SLC24A3: variants seen among roughly 807,000 people sequenced by gnomAD.
SLC24A3 encodes the protein solute carrier family 24 member 3.
In SLC24A3, 28 loss-of-function variants were observed where a neutral mutation model predicts 75.8. That is an observed-to-expected ratio of 0.37 (90% CI 0.27 to 0.51). The LOEUF is 0.51. SLC24A3 is among the 20% of genes least tolerant of loss of function. The pLI is 0.94. For missense variants in SLC24A3, 663 were observed against 847.8 expected, an observed-to-expected ratio of 0.78 and a Z score of 2.71; for synonymous variants, 372 against 334.1, an observed-to-expected ratio of 1.11 and a Z score of -1.24.
intron 2 of SLC24A3, among the ~76,000 whole-genome samples, chr20:19,513,848 C>T (rs1568640279): frequency 6.6e-6 from 1 of 151,902 alleles, no homozygotes; most frequent in African/African-American, 2.4e-5. Flanking sequence ...ATGTTAACCA[C>T]ATTTCAGTTC....
At chr20:19,565,377 G>A (rs774488276) in intron 3 of SLC24A3, among the ~76,000 whole-genome samples, 25 of 149,604 alleles carry the variant, frequency 1.7e-4, no homozygotes, top group Non-Finnish European at 3.6e-4. Flanking sequence ...CACTGAGAGT[G>A]AGAACGACCT....
chr20:19,255,715 T>C (rs1313143502), intron 1 of SLC24A3, among the ~76,000 whole-genome samples: 2 of 152,220 alleles, frequency 1.3e-5, no homozygotes, highest in African/African-American at 2.4e-5. Context: ...ACTTGCAATG[T>C]CGCTTGCTAG....
At chr20:19,635,078 GATCTATCTCTTTCTGTGAAGA>G (rs1208562587) in intron 6 of SLC24A3, among the ~76,000 whole-genome samples, 1 of 152,112 alleles carries the variant, frequency 6.6e-6, no homozygotes, top group Non-Finnish European at 1.5e-5. Flanking sequence ...TTGAGTAGAG[GATCTATCTCTTTCTGTGAAGA>G]ATCTCACTGC....
intron 6 of SLC24A3, among the ~76,000 whole-genome samples, chr20:19,615,656 G>A (rs368384740): frequency 4.9e-4 from 75 of 152,318 alleles, no homozygotes; most frequent in African/African-American, 1.7e-3. Flanking sequence ...GTTCCAATCA[G>A]CTACCAGCAC....
chr20:19,435,353 T>A (rs573203023), intron 2 of SLC24A3, among the ~76,000 whole-genome samples: 2 of 152,258 alleles, frequency 1.3e-5, no homozygotes, highest in Non-Finnish European at 2.9e-5. Flanking sequence ...CTTCAGTATA[T>A]GTTTTACATT....
intron 9 of SLC24A3, among the ~76,000 whole-genome samples, chr20:19,678,331 G>C (rs1207987568): frequency 1.2e-4 from 15 of 123,738 alleles, no homozygotes; most frequent in South Asian, 2.3e-4. Context: ...CTGGCCGGGC[G>C]GGGGGCTGAC....
rs116752682 is a variant in SLC24A3, at chr20:19,413,009, G to A, written c.272-102479G>A. On this transcript the variant is annotated intron_variant, in intron 2 of 16. Coordinates refer to ENST00000328041, the MANE Select transcript of SLC24A3 (RefSeq NM_020689.4). Reference sequence around the variant, plus strand: ...CAACTGGTGGTTGCTATCATAATGCGTCATCTTGGCATGAATGCTCTAATT... The same window carrying A: ...CAACTGGTGGTTGCTATCATAATGCATCATCTTGGCATGAATGCTCTAATT... 5.3e-3 allele frequency among the ~76,000 whole-genome samples: 802 copies of A among 152,262 alleles called. 10 individuals carry two copies. The highest frequency in any genetic ancestry group is 0.018 in the African/African-American group (742 of 41,548).
intron 2 of SLC24A3, among the ~76,000 whole-genome samples, chr20:19,382,813 G>T (rs1327317252): frequency 1.3e-5 from 2 of 152,144 alleles, no homozygotes; most frequent in Non-Finnish European, 2.9e-5. Context: ...GAGGTTGTTT[G>T]GTTGTAGCCA....
intron 3 of SLC24A3, among the ~76,000 whole-genome samples, chr20:19,570,858 G>C (rs578084072): frequency 6.6e-6 from 1 of 152,256 alleles, no homozygotes; most frequent in African/African-American, 2.4e-5. Flanking sequence ...TAATTTGTTT[G>C]CATCCTTAGC....
At chr20:19,647,461 C>T (rs2032152633) in intron 6 of SLC24A3, among the ~76,000 whole-genome samples, 1 of 152,306 alleles carries the variant, frequency 6.6e-6, no homozygotes, top group African/African-American at 2.4e-5. Flanking sequence ...GCTGGCACAT[C>T]AATGCCTGGC....
intron 13 of SLC24A3, 162 bp from the exon 14 acceptor site, chr20:19,696,635 C>G (rs1300397700): frequency 1.9e-6 from 1 of 515,146 alleles, no homozygotes; most frequent in South Asian, 3.4e-5. Context: ...CGGTCGGCAT[C>G]CACATAGTGT....
intron 2 of SLC24A3, among the ~76,000 whole-genome samples, chr20:19,463,792 G>A (rs1987719581): frequency 6.6e-6 from 1 of 152,220 alleles, no homozygotes; most frequent in Admixed American, 6.5e-5. Flanking sequence ...GGGACAGGAT[G>A]TAAAGGGCTC....
intron 12 of SLC24A3, 122 bp downstream of exon 12, chr20:19,685,483 A>T: frequency 7.0e-7 from 1 of 1,437,514 alleles, no homozygotes; most frequent in Non-Finnish European, 9.4e-7. Context: ...ACATGAGACT[A>T]TGTATATCAA....
At position 19,615,670 on chromosome 20, in the gene SLC24A3, A is replaced by G. The variant is rs577068230; in HGVS notation, c.612+30126A>G. Among the ~76,000 whole-genome samples the G allele has an allele frequency of 3.2e-4, 48 of 152,350 alleles. No individual in the cohort carries two copies. The South Asian group carries it at 9.3e-3, about 30-fold the overall frequency. On this transcript the variant is annotated intron_variant, in intron 6 of 16. Coordinates refer to ENST00000328041, the MANE Select transcript of SLC24A3 (RefSeq NM_020689.4). ...TGTTCCAATCAGCTACCAGCACCAG[A>G]ACAAAACAGGCAGAACAAGAGGGGA...
At chr20:19,343,826 G>C (rs568557555) in intron 2 of SLC24A3, among the ~76,000 whole-genome samples, 79 of 152,136 alleles carry the variant, frequency 5.2e-4, no homozygotes, top group Admixed American at 4.3e-3. Flanking sequence ...GTTGGTAGGC[G>C]TCTCACTCAT....
chr20:19,682,398 C>G (rs979983244), intron 10 of SLC24A3, among the ~76,000 whole-genome samples: 2 of 152,216 alleles, frequency 1.3e-5, no homozygotes, highest in South Asian at 4.1e-4. Context: ...CTCCCTGCCC[C>G]GAGAGAGCAG....
intron 2 of SLC24A3, among the ~76,000 whole-genome samples, chr20:19,416,777 G>C (rs1474057521): frequency 3.3e-5 from 5 of 152,180 alleles, no homozygotes; most frequent in African/African-American, 1.2e-4. Context: ...TTAAGACTGA[G>C]TGTTTACCAC....
At position 19,632,200 on chromosome 20, in the gene SLC24A3, G is replaced by C. The variant is rs186792558; in HGVS notation, c.613-21862G>C. On this transcript the variant is annotated intron_variant, in intron 6 of 16. Transcript: ENST00000328041. ...GTCGGCAGCACCTGGTGCCTGGCAT[G>C]CGAAGTTCCATAGCAGGGTAGGTGT... Among the ~76,000 whole-genome samples, 162 of 152,244 alleles carry C rather than the reference G, an allele frequency of 1.1e-3. 2 individuals are homozygous for C. Among genetic ancestry groups the C allele is most frequent in the Admixed American group, 0.01 (156 of 15,288 alleles).
At chr20:19,717,658 G>A (rs2033058251) in intron 16 of SLC24A3, 65 bp downstream of exon 16, 5 of 1,581,056 alleles carry the variant, frequency 3.2e-6, no homozygotes, top group Non-Finnish European at 3.5e-6. Flanking sequence ...GGTTTCTTTG[G>A]AGACCAGATG....
Sources: gnomAD v4.1 joint callset for allele counts (sites outside exome capture counted in the v4.1 genomes callset) on GRCh38, gnomAD v4.1.1 for gene constraint, MANE v1.5 for transcripts, NCBI Gene and HGNC (gene_info 2026-07-23, HGNC 2026-07-21) for gene names.